ST6GALNAC3: variants seen among roughly 807,000 people sequenced by gnomAD.
ST6GALNAC3 encodes ST6 N-acetylgalactosaminide alpha-2,6-sialyltransferase 3.
In ST6GALNAC3, 25 loss-of-function variants were observed where a neutral mutation model predicts 32.7. The ratio of observed to expected loss-of-function variants is 0.76; its 90% CI spans 0.56 to 1.07. ST6GALNAC3 has a LOEUF of 1.07. ST6GALNAC3 is among the 50% of genes least tolerant of loss of function. The pLI is 0.00. For synonymous variants in ST6GALNAC3, 129 were observed against 133.1 expected, an observed-to-expected ratio of 0.97 and a Z score of 0.21; for missense variants, 355 against 382.4, an observed-to-expected ratio of 0.93 and a Z score of 0.60.
At chr1:76,569,887 A>G (rs1223798489) in intron 3 of ST6GALNAC3, among the ~76,000 whole-genome samples, 2 of 152,086 alleles carry the variant, frequency 1.3e-5, no homozygotes, top group Non-Finnish European at 2.9e-5. Context: ...TGAAACTCCT[A>G]TGTTCTTGGA....
At chr1:76,365,039 C>A (rs1302787457) in intron 2 of ST6GALNAC3, among the ~76,000 whole-genome samples, 1 of 152,192 alleles carries the variant, frequency 6.6e-6, no homozygotes, top group East Asian at 1.9e-4. Context: ...TTTATCACAG[C>A]ACCATTCACA....
intron 3 of ST6GALNAC3, among the ~76,000 whole-genome samples, chr1:76,605,363 C>T (rs1647459610): frequency 6.6e-6 from 1 of 152,116 alleles, no homozygotes; most frequent in Non-Finnish European, 1.5e-5. Flanking sequence ...TCTTGATTAT[C>T]ATAAGGGCCA....
At chr1:76,226,655 A>G (rs932386528) in intron 1 of ST6GALNAC3, among the ~76,000 whole-genome samples, 4 of 152,132 alleles carry the variant, frequency 2.6e-5, no homozygotes, top group African/African-American at 9.7e-5. Flanking sequence ...CAAAGGGGGA[A>G]CAGGCATCTT....
intron 2 of ST6GALNAC3, among the ~76,000 whole-genome samples, chr1:76,362,179 A>T (rs1431356405): frequency 6.6e-6 from 1 of 152,122 alleles, no homozygotes; most frequent in Non-Finnish European, 1.5e-5. Context: ...TGGCCAGAGC[A>T]GGAAGAAGAG....
At chr1:76,610,171 T>C (rs1488481830) in intron 3 of ST6GALNAC3, among the ~76,000 whole-genome samples, 1 of 152,208 alleles carries the variant, frequency 6.6e-6, no homozygotes, top group African/African-American at 2.4e-5. Flanking sequence ...TTTTCTTAAT[T>C]TGAAATATTT....
At chr1:76,482,667 C>T (rs1177883059) in intron 3 of ST6GALNAC3, among the ~76,000 whole-genome samples, 1 of 152,118 alleles carries the variant, frequency 6.6e-6, no homozygotes, top group African/African-American at 2.4e-5. Context: ...ACAAGAGTCA[C>T]CCAGACTCCC....
chr1:76,227,299 C>G (rs1347405034), intron 1 of ST6GALNAC3, among the ~76,000 whole-genome samples: 1 of 152,186 alleles, frequency 6.6e-6, no homozygotes, highest in Non-Finnish European at 1.5e-5. Flanking sequence ...TCAGCCTTTT[C>G]TGGTCCTTTG....
At chr1:76,614,711 T>C (rs1570452741) in intron 3 of ST6GALNAC3, among the ~76,000 whole-genome samples, 4 of 95,514 alleles carry the variant, frequency 4.2e-5, no homozygotes, top group East Asian at 2.9e-4. Flanking sequence ...AGAGCGAGAC[T>C]CCATCTCAAA....
At chr1:76,460,149 T>C (rs1336842274) in intron 3 of ST6GALNAC3, among the ~76,000 whole-genome samples, 1 of 152,210 alleles carries the variant, frequency 6.6e-6, no homozygotes, top group Non-Finnish European at 1.5e-5. Context: ...ACCCTTGTTA[T>C]TTTTCATTTT....
intron 3 of ST6GALNAC3, among the ~76,000 whole-genome samples, chr1:76,422,945 TA>T (rs1267397199): frequency 2.0e-5 from 3 of 152,046 alleles, no homozygotes; most frequent in African/African-American, 7.2e-5. Flanking sequence ...TCTGTAATTA[TA>T]CCAGATGGTG....
chr1:76,599,539 C>A (rs775831567), intron 3 of ST6GALNAC3, among the ~76,000 whole-genome samples: 2 of 151,416 alleles, frequency 1.3e-5, no homozygotes, highest in Non-Finnish European at 2.9e-5. Flanking sequence ...TGAGAACATG[C>A]GGTGTTTGGT....
intron 1 of ST6GALNAC3, among the ~76,000 whole-genome samples, chr1:76,122,848 G>A (rs946412240): frequency 1.3e-5 from 2 of 152,096 alleles, no homozygotes; most frequent in Non-Finnish European, 2.9e-5. Flanking sequence ...GGCATGCTGA[G>A]GATTGAGACG....
intron 3 of ST6GALNAC3, among the ~76,000 whole-genome samples, chr1:76,606,454 C>A (rs1405988642): frequency 6.6e-6 from 1 of 152,042 alleles, no homozygotes. Flanking sequence ...CCTCAGCAAA[C>A]TAATGCAGGA....
At chr1:76,223,885 A>G (rs781547187) in intron 1 of ST6GALNAC3, among the ~76,000 whole-genome samples, 13 of 152,166 alleles carry the variant, frequency 8.5e-5, no homozygotes, top group Admixed American at 2.0e-4. Flanking sequence ...AAGTTCATCA[A>G]TTGCAGTCAG....
chr1:76,141,124 G>A (rs984193893), intron 1 of ST6GALNAC3, among the ~76,000 whole-genome samples: 1 of 152,106 alleles, frequency 6.6e-6, no homozygotes, highest in Non-Finnish European at 1.5e-5. Flanking sequence ...TACTGAGCTG[G>A]CACCAGCATG....
intron 1 of ST6GALNAC3, among the ~76,000 whole-genome samples, chr1:76,079,772 T>C (rs1418976539): frequency 6.6e-6 from 1 of 152,136 alleles, no homozygotes; most frequent in African/African-American, 2.4e-5. Flanking sequence ...ATCAGTTCTG[T>C]CTCAGGAAAA....
chr1:76,216,272 G>T (rs902792116), intron 1 of ST6GALNAC3, among the ~76,000 whole-genome samples: 3 of 151,812 alleles, frequency 2.0e-5, no homozygotes, highest in African/African-American at 7.3e-5. Flanking sequence ...ACACACACAC[G>T]CACAGACACA....
rs575695436 is a variant in ST6GALNAC3, at chr1:76,218,181, A to AT, written c.19-95618dup. 2.6e-4 allele frequency among the ~76,000 whole-genome samples: 39 copies of AT among 152,072 alleles called. No homozygotes were observed. The South Asian group carries it at 7.7e-3, about 30-fold the overall frequency. ...CACCACATCCATGCCAATATTTATT[A>AT]TTTTTTGATTTTTTTGATTATGGCC... On this transcript the variant is annotated intron_variant, in intron 1 of 4. Transcript: ENST00000328299.
chr1:76,635,916 T>C (rs1195266138), downstream of ST6GALNAC3, among the ~76,000 whole-genome samples: 1 of 152,172 alleles, frequency 6.6e-6, no homozygotes. Context: ...GGCAATGCTG[T>C]CTAAATGTGT....
Sources: gnomAD v4.1 joint callset for allele counts (sites outside exome capture counted in the v4.1 genomes callset) on GRCh38, gnomAD v4.1.1 for gene constraint, MANE v1.5 for transcripts, NCBI Gene and HGNC (gene_info 2026-07-23, HGNC 2026-07-21) for gene names.